Variants in C12orf54 observed in about 807,000 individuals in gnomAD.
The protein encoded by C12orf54 is chromosome 12 open reading frame 54.
A neutral mutation model predicts 26.4 loss-of-function variants in C12orf54; 24 were observed. The ratio of observed to expected loss-of-function variants is 0.91; its 90% CI spans 0.66 to 1.28. The LOEUF is 1.28. Among genes scored for constraint, C12orf54 ranks in the 50% most tolerant of loss-of-function variants. The pLI, the probability that C12orf54 is intolerant of heterozygous loss-of-function variation, is 0.00. For missense variants in C12orf54, 154 were observed against 150.9 expected, an observed-to-expected ratio of 1.02 and a Z score of -0.11; for synonymous variants, 54 against 47.0, an observed-to-expected ratio of 1.15 and a Z score of -0.61.
the C12orf54 span, among the ~76,000 whole-genome samples, chr12:48,432,621 G>A: frequency 6.6e-6 from 1 of 152,156 alleles, no homozygotes; most frequent in Non-Finnish European, 1.5e-5. Flanking sequence ...TGTAATCCCA[G>A]CACTTTGGAA....
At chr12:48,485,089 A>G (rs1192004892) in intron 2 of C12orf54, among the ~76,000 whole-genome samples, 1 of 151,820 alleles carries the variant, frequency 6.6e-6, no homozygotes, top group Non-Finnish European at 1.5e-5. Flanking sequence ...TTATTTATTT[A>G]TTTTTAGCGA....
intron 7 of C12orf54, among the ~76,000 whole-genome samples, chr12:48,493,769 A>G (rs1208270691): frequency 6.6e-6 from 1 of 151,662 alleles, no homozygotes; most frequent in Non-Finnish European, 1.5e-5. Context: ...CCATAACAAG[A>G]TGAGGAGAAA....
intron 8 of C12orf54, among the ~76,000 whole-genome samples, 182 bp from the exon 9 acceptor site, chr12:48,495,999 T>C (rs1592206586): frequency 6.6e-6 from 1 of 152,198 alleles, no homozygotes; most frequent in South Asian, 2.1e-4. Context: ...ACAGAGAATA[T>C]TGTCTACAAC....
At chr12:48,458,158 C>A in the C12orf54 span, among the ~76,000 whole-genome samples, 1 of 152,198 alleles carries the variant, frequency 6.6e-6, no homozygotes, top group Admixed American at 6.5e-5. Flanking sequence ...GGCAGACACC[C>A]TTGAGGCTTT....
rs1319911509 is a variant in C12orf54, at chr12:48,482,546, G to A, written c.-88G>A. On this transcript the variant is annotated 5_prime_UTR_variant, in exon 1 of 9. Coordinates refer to ENST00000548364, the MANE Select transcript of C12orf54 (RefSeq NM_152319.4). The stretch of plus-strand genomic sequence containing the variant: ...GAAAAAGTCTAGGGGTGAAGGAGTG[G>A]GGCAAAGTGTAATTTGGGGAACCAA... The A allele has an allele frequency of 1.3e-5, 2 of 152,100 alleles. No homozygotes were observed. Among genetic ancestry groups the A allele is most frequent in the African/African-American group, 2.4e-5 (1 of 41,394 alleles). 9.4% of individuals were successfully genotyped at this position (152,100 alleles called of 1,614,324 possible).
the C12orf54 span, among the ~76,000 whole-genome samples, chr12:48,418,423 T>G: frequency 1.3e-5 from 2 of 152,272 alleles, no homozygotes; most frequent in African/African-American, 4.8e-5. Flanking sequence ...GTTGTGTGAT[T>G]TTTCTCCAGT....
upstream of C12orf54, among the ~76,000 whole-genome samples, chr12:48,477,861 A>T (rs1954159789): frequency 6.6e-6 from 1 of 152,208 alleles, no homozygotes; most frequent in South Asian, 2.1e-4. Flanking sequence ...TATTCCAATC[A>T]ATAGAAAAAA....
chr12:48,467,415 A>G, the C12orf54 span, among the ~76,000 whole-genome samples: 1 of 152,222 alleles, frequency 6.6e-6, no homozygotes, highest in African/African-American at 2.4e-5. Context: ...TGGCAGCCCT[A>G]TGAAATGAAT....
At chr12:48,478,429 A>G (rs1308108073), upstream of C12orf54, among the ~76,000 whole-genome samples, 3 of 152,248 alleles carry the variant, frequency 2.0e-5, no homozygotes, top group Admixed American at 6.5e-5. Context: ...AATAAAGGGT[A>G]TCCAATTAGG....
chr12:48,414,891 G>A, the C12orf54 span, among the ~76,000 whole-genome samples: 1 of 152,120 alleles, frequency 6.6e-6, no homozygotes, highest in Non-Finnish European at 1.5e-5. Context: ...ACACCTGCAT[G>A]CACACATACT....
At chr12:48,426,925 A>G in the C12orf54 span, among the ~76,000 whole-genome samples, 2 of 152,018 alleles carry the variant, frequency 1.3e-5, no homozygotes. Flanking sequence ...TTGTACACTG[A>G]TTTTGTGTCC....
At chr12:48,436,116 T>C in the C12orf54 span, among the ~76,000 whole-genome samples, 2 of 152,014 alleles carry the variant, frequency 1.3e-5, no homozygotes, top group East Asian at 1.9e-4. Flanking sequence ...ATCCTAGTCT[T>C]GGATGAAACA....
the C12orf54 span, among the ~76,000 whole-genome samples, chr12:48,435,098 G>A: frequency 6.6e-6 from 1 of 152,130 alleles, no homozygotes; most frequent in South Asian, 2.1e-4. Context: ...TATGGCACGA[G>A]AACTACCTGA....
the C12orf54 span, among the ~76,000 whole-genome samples, chr12:48,450,206 A>G: frequency 6.6e-6 from 1 of 152,208 alleles, no homozygotes; most frequent in Non-Finnish European, 1.5e-5. Flanking sequence ...ATATATATGT[A>G]TATGAACAAC....
the C12orf54 span, among the ~76,000 whole-genome samples, chr12:48,459,906 G>C: frequency 1.3e-5 from 2 of 152,232 alleles, no homozygotes; most frequent in African/African-American, 4.8e-5. Context: ...CTTTTAACTG[G>C]AGGTCAGTCC....
the C12orf54 span, among the ~76,000 whole-genome samples, chr12:48,458,200 C>T: frequency 6.6e-6 from 1 of 152,166 alleles, no homozygotes; most frequent in Non-Finnish European, 1.5e-5. Context: ...CTGCTGGAGT[C>T]AATTAAATGC....
At chr12:48,447,394 A>T in the C12orf54 span, among the ~76,000 whole-genome samples, 103 of 152,280 alleles carry the variant, frequency 6.8e-4, no homozygotes, top group African/African-American at 2.4e-3. Flanking sequence ...GTGTTTTGCT[A>T]TAGCAGTCCA....
At chr12:48,473,131 C>T in the C12orf54 span, 1 of 1,608,412 alleles carries the variant, frequency 6.2e-7, no homozygotes, top group South Asian at 1.1e-5. Context: ...AAGGAGGCCC[C>T]TAACTCGGAT....
the C12orf54 span, among the ~76,000 whole-genome samples, chr12:48,458,097 A>C: frequency 6.6e-6 from 1 of 152,182 alleles, no homozygotes; most frequent in African/African-American, 2.4e-5. Flanking sequence ...CCAGAGGCCC[A>C]CCTTGTTTTC....
Sources: gnomAD v4.1 joint callset for allele counts (sites outside exome capture counted in the v4.1 genomes callset) on GRCh38, gnomAD v4.1.1 for gene constraint, MANE v1.5 for transcripts, NCBI Gene and HGNC (gene_info 2026-07-23, HGNC 2026-07-21) for gene names.